Variants in PTPRG observed in about 807,000 individuals in gnomAD.
The protein encoded by PTPRG is protein tyrosine phosphatase receptor type G.
In PTPRG, 102 loss-of-function variants were observed where a neutral mutation model predicts 165.3. The ratio of observed to expected loss-of-function variants is 0.62; its 90% confidence interval spans 0.53 to 0.73. PTPRG has a LOEUF of 0.73. Ranked by LOEUF, PTPRG falls within the 30% of genes least tolerant of loss-of-function variation. PTPRG has a pLI of 0.00. For synonymous variants in PTPRG, 675 were observed against 669.5 expected, an observed-to-expected ratio of 1.01 and a Z score of -0.13; for missense variants, 1,866 against 1,861.4, an observed-to-expected ratio of 1.00 and a Z score of -0.05.
chr3:61,896,780 T>C (rs1052630807), intron 2 of PTPRG, among the ~76,000 whole-genome samples: 3 of 152,180 alleles, frequency 2.0e-5, no homozygotes, highest in Non-Finnish European at 2.9e-5. Flanking sequence ...TGTAGTGATA[T>C]CTCATTGTAG....
intron 2 of PTPRG, among the ~76,000 whole-genome samples, chr3:61,976,144 A>G (rs1198056799): frequency 1.3e-5 from 2 of 152,220 alleles, no homozygotes; most frequent in Admixed American, 1.3e-4. Flanking sequence ...CCTTGACAGA[A>G]TATCTCTTGA....
chr3:61,947,702 G>A (rs1393523550), intron 2 of PTPRG, among the ~76,000 whole-genome samples: 2 of 152,146 alleles, frequency 1.3e-5, no homozygotes, highest in African/African-American at 4.8e-5. Context: ...CTTTCTTCGT[G>A]GTGGCCCCTG....
intron 2 of PTPRG, among the ~76,000 whole-genome samples, chr3:61,918,040 AAAACAGAAGTT>A (rs1559687822): frequency 6.6e-6 from 1 of 152,248 alleles, no homozygotes; most frequent in African/African-American, 2.4e-5. Context: ...AGAGATCAGT[AAAACAGAAGTT>A]AGAAGAAGCA....
intron 2 of PTPRG, among the ~76,000 whole-genome samples, chr3:61,794,062 A>G (rs1001544579): frequency 2.0e-5 from 3 of 152,194 alleles, no homozygotes; most frequent in Admixed American, 6.5e-5. Context: ...TGTTGGAGAA[A>G]GGCGAACTTT....
chr3:61,674,486 C>CAAAAAA (rs58334791), intron 1 of PTPRG, among the ~76,000 whole-genome samples: 6 of 57,978 alleles, frequency 1.0e-4, no homozygotes, highest in African/African-American at 2.9e-4. Context: ...GACTCCATCT[C>CAAAAAA]AAAAAAAAAA....
chr3:61,621,817 C>G (rs1049792837), intron 1 of PTPRG, among the ~76,000 whole-genome samples: 6 of 152,204 alleles, frequency 3.9e-5, no homozygotes, highest in African/African-American at 1.4e-4. Flanking sequence ...GTAAGTTCCT[C>G]TGATTCTCTG....
At chr3:61,739,931 A>G (rs537551362) in intron 1 of PTPRG, among the ~76,000 whole-genome samples, 1 of 152,364 alleles carries the variant, frequency 6.6e-6, no homozygotes, top group African/African-American at 2.4e-5. Context: ...TTTTAAAAAA[A>G]TGAAAATACA....
intron 7 of PTPRG, among the ~76,000 whole-genome samples, chr3:62,166,734 G>A (rs888947681): frequency 6.6e-6 from 1 of 152,086 alleles, no homozygotes; most frequent in Non-Finnish European, 1.5e-5. Context: ...CTGTCACCCA[G>A]ACTGGAGTGC....
At chr3:61,846,642 G>A (rs1476200112) in intron 2 of PTPRG, among the ~76,000 whole-genome samples, 6 of 147,868 alleles carry the variant, frequency 4.1e-5, no homozygotes, top group African/African-American at 1.3e-4. Context: ...TTTATTGGGC[G>A]TGGTGGCTCA....
chr3:62,282,703 T>C (rs1450973928), intron 27 of PTPRG, 24 bp from the exon 28 acceptor site: 1 of 1,592,474 alleles, frequency 6.3e-7, no homozygotes, highest in Non-Finnish European at 8.5e-7. Context: ...GGAAGGGATT[T>C]GACCCATGTT....
intron 1 of PTPRG, among the ~76,000 whole-genome samples, chr3:61,738,060 T>C (rs600018): frequency 0.81 from 120,047 of 149,124 alleles, 48,534 homozygotes; most frequent in Middle Eastern, 0.85. Flanking sequence ...AGGCGCCCGC[T>C]ACCGCACCCG....
At chr3:62,177,922 T>C (rs79877565) in intron 8 of PTPRG, among the ~76,000 whole-genome samples, 7,068 of 152,248 alleles carry the variant, frequency 0.046, 189 homozygotes, top group South Asian at 0.072. Flanking sequence ...TATCCAGCTC[T>C]CCCACTACCC....
rs200952384 is a variant in PTPRG, at chr3:62,078,588, G to GT, written c.615+337dup. Among the ~76,000 whole-genome samples, 107 of 152,040 alleles carry GT rather than the reference G, an allele frequency of 7.0e-4. 1 individual carries two copies. The East Asian group carries it at 0.017, about 24-fold the overall frequency. ...AAGAGACTGATATAAAAAAAAAGGT[G>GT]TTTTTTTGAGCAACTTTAAAATTTG... On this transcript the variant is annotated intron_variant, in intron 5 of 29. Transcript: ENST00000474889.
chr3:61,646,707 CAT>C (rs1388768255), intron 1 of PTPRG, among the ~76,000 whole-genome samples: 3 of 152,090 alleles, frequency 2.0e-5, no homozygotes, highest in South Asian at 2.1e-4. Flanking sequence ...GCATTTTTTT[CAT>C]ATGTGTAGAT....
chr3:61,789,195 G>C (rs2034798306), intron 2 of PTPRG, among the ~76,000 whole-genome samples: 1 of 152,014 alleles, frequency 6.6e-6, no homozygotes, highest in Admixed American at 6.6e-5. Flanking sequence ...GATGTCTCGG[G>C]CTCAGGTGAT....
At chr3:61,615,517 C>G (rs1179868844) in intron 1 of PTPRG, among the ~76,000 whole-genome samples, 2 of 152,208 alleles carry the variant, frequency 1.3e-5, no homozygotes, top group Non-Finnish European at 2.9e-5. Flanking sequence ...TAACTTTGAT[C>G]ACTTGATAAG....
intron 5 of PTPRG, among the ~76,000 whole-genome samples, chr3:62,101,185 C>G (rs1702278841): frequency 6.6e-6 from 1 of 152,324 alleles, no homozygotes; most frequent in Middle Eastern, 3.4e-3. Flanking sequence ...ATTCTTTCTA[C>G]TTTTGTTTAT....
intron 4 of PTPRG, among the ~76,000 whole-genome samples, chr3:62,060,259 G>T (rs1473775206): frequency 6.6e-6 from 1 of 151,462 alleles, no homozygotes; most frequent in East Asian, 1.9e-4. Flanking sequence ...CCTGTATCTT[G>T]ATGAGAATGA....
intron 4 of PTPRG, among the ~76,000 whole-genome samples, chr3:62,038,971 G>A (rs994247845): frequency 3.9e-5 from 6 of 152,104 alleles, no homozygotes; most frequent in African/African-American, 1.4e-4. Flanking sequence ...GTGTTGCTCT[G>A]TTACCCAGGC....
Sources: allele counts gnomAD v4.1 joint callset (sites outside exome capture counted in the v4.1 genomes callset), GRCh38; gene constraint gnomAD v4.1.1; transcripts MANE v1.5; gene names NCBI Gene and HGNC (gene_info 2026-07-23, HGNC 2026-07-21).